Variants in GNS observed in about 807,000 individuals in gnomAD.
GNS encodes the protein N-acetylglucosamine-6-sulfatase.
Under a neutral mutation model 69.7 loss-of-function variants are expected in GNS, and 40 were observed. The observed-to-expected ratio is 0.57, with a 90% confidence interval of 0.45 to 0.75. GNS has a LOEUF of 0.75. Among genes scored for constraint, GNS ranks in the 30% least tolerant of loss-of-function variants. The pLI, the probability that GNS is intolerant of heterozygous loss-of-function variation, is 0.00. For synonymous variants in GNS, 243 were observed against 251.6 expected, an observed-to-expected ratio of 0.97 and a Z score of 0.32; for missense variants, 565 against 685.5, an observed-to-expected ratio of 0.82 and a Z score of 1.96.
At position 64,744,855 on chromosome 12, in the gene GNS, C is replaced by T. The variant is rs368261202; in HGVS notation, c.578G>A (p.Arg193Gln). The T allele has an allele frequency of 1.3e-5, 21 of 1,570,692 alleles. No individual in the cohort carries two copies. The highest frequency in any genetic ancestry group is 2.7e-5 in the African/African-American group (2 of 74,054). Reference protein sequence around the residue: ...NYTLSINGKARKHGENYSVDY... With the variant: ...NYTLSINGKAQKHGENYSVDY... ...CACACTATAGTTTTCACCATGCTTC[C>T]GTGCCTTCCCATTGATAGACAGGGT... Residue 193 changes from arginine (R) to glutamine (Q), a missense_variant, in exon 5 of 14, where the codon CGG (arginine) becomes CAG (glutamine). Arg to Gln is a conservative substitution (Grantham distance 43). This residue lies in a region of GNS where 384 missense variants were observed against 511.0 expected (regional missense o/e 0.75). Coordinates refer to ENST00000258145, the MANE Select transcript of GNS (RefSeq NM_002076.4).
chr12:64,721,855 A>G, intron 11 of GNS, 150 bp from the exon 12 acceptor site: 2 of 698,348 alleles, frequency 2.9e-6, no homozygotes, highest in Non-Finnish European at 5.2e-6. Context: ...GTAACTCAAA[A>G]ACAGATGTGA....
intron 6 of GNS, among the ~76,000 whole-genome samples, chr12:64,742,930 C>G (rs1036234819): frequency 6.6e-6 from 1 of 152,194 alleles, no homozygotes; most frequent in Non-Finnish European, 1.5e-5. Context: ...CATTCCCTGT[C>G]AACTCTCCAG....
chr12:64,756,802 GTT>G, intron 1 of GNS: 1 of 1,084,916 alleles, frequency 9.2e-7, no homozygotes, highest in South Asian at 1.3e-5. Flanking sequence ...GGAACATTAA[GTT>G]TGACTTATGC....
chr12:64,728,636 C>T (rs1215735210), intron 10 of GNS, among the ~76,000 whole-genome samples: 1 of 151,962 alleles, frequency 6.6e-6, no homozygotes, highest in Admixed American at 6.6e-5. Context: ...CTTTTTTTGC[C>T]CATTTTCCCA....
chr12:64,733,790 G>C (rs574794895), intron 9 of GNS, among the ~76,000 whole-genome samples: 2 of 152,338 alleles, frequency 1.3e-5, no homozygotes, highest in African/African-American at 2.4e-5. Flanking sequence ...GGACGGTGCT[G>C]TGTCATTCTA....
At chr12:64,726,100 T>C (rs552501181) in intron 10 of GNS, among the ~76,000 whole-genome samples, 4 of 150,978 alleles carry the variant, frequency 2.6e-5, no homozygotes, top group African/African-American at 9.7e-5. Flanking sequence ...AACTGATCTA[T>C]AGGTTAAATG....
chr12:64,744,005 T>C (rs1465002055), intron 5 of GNS, among the ~76,000 whole-genome samples: 1 of 152,210 alleles, frequency 6.6e-6, no homozygotes, highest in Non-Finnish European at 1.5e-5. Context: ...GTCAGCTTCC[T>C]TGTGGTTTCT....
rs61743823 is a variant in GNS, at chr12:64,759,256, G to C, written c.21C>G (p.Ala7=). Reference sequence around the variant, plus strand: ...GGCTGCCCCGCCGGAGCCGACCTGGGGCTAGAGGCAGGAGCCGCATAGCGG... The same window carrying C: ...GGCTGCCCCGCCGGAGCCGACCTGGCGCTAGAGGCAGGAGCCGCATAGCGG... MRLLPL[A]PGRLRRGSPR... Residue 7 remains alanine, a synonymous_variant, in exon 1 of 14, where the codon GCC becomes GCG. Coordinates refer to ENST00000258145, the MANE Select transcript of GNS (RefSeq NM_002076.4). 1.6e-3 allele frequency: 2,422 copies of C among 1,536,860 alleles called. 38 individuals carry two copies. In the African/African-American group the frequency reaches 0.03, roughly 19 times the overall value.
chr12:64,742,393 G>T (rs542301030), intron 6 of GNS, among the ~76,000 whole-genome samples: 1 of 152,330 alleles, frequency 6.6e-6, no homozygotes, highest in South Asian at 2.1e-4. Context: ...TAATGTGCCA[G>T]ACAATATGCT....
chr12:64,721,200 C>T (rs963956656), intron 12 of GNS, among the ~76,000 whole-genome samples: 1 of 152,200 alleles, frequency 6.6e-6, no homozygotes, highest in Admixed American at 6.5e-5. Context: ...CTCTGACCCC[C>T]ACTCTAATCT....
chr12:64,731,476 A>G (rs1869388053), intron 9 of GNS, among the ~76,000 whole-genome samples: 1 of 152,210 alleles, frequency 6.6e-6, no homozygotes, highest in African/African-American at 2.4e-5. Flanking sequence ...CGTAAGCACA[A>G]GTCATTCCAG....
chr12:64,722,327 C>T (rs1245175), intron 11 of GNS, among the ~76,000 whole-genome samples: 95,797 of 152,010 alleles, frequency 0.63, 30,607 homozygotes, highest in East Asian at 0.88. Context: ...CCAAATGACT[C>T]ATTTCTAAGA....
intron 6 of GNS, 24 bp from the exon 7 acceptor site, chr12:64,740,712 G>A (rs1223497267): frequency 8.6e-7 from 1 of 1,157,830 alleles, no homozygotes; most frequent in Admixed American, 1.7e-5. Flanking sequence ...GAAAAAAAAT[G>A]TTAACACCAA....
rs1868794487 is a variant in GNS, at chr12:64,714,256, C to T, written c.*2485G>A. 1 of 152,210 alleles carries T rather than the reference C, an allele frequency of 6.6e-6. No homozygotes were observed. Among genetic ancestry groups the T allele is most frequent in the Admixed American group, 6.5e-5 (1 of 15,282 alleles). The allele number at this position is 152,210 out of a possible 1,614,324, so 9.4% of individuals were successfully genotyped here. A position where few individuals can be genotyped will look rare whatever the true frequency, so the allele number is the denominator to read the frequency against. ...TATAAGGCAAACTCTCTATTCATTC[C>T]TAAGGCCTCTGTTCATTCCTAATGT... On this transcript the variant is annotated 3_prime_UTR_variant, in exon 14 of 14. Transcript: ENST00000258145.
intron 1 of GNS, among the ~76,000 whole-genome samples, chr12:64,753,841 A>T (rs1226954667): frequency 1.3e-5 from 2 of 152,200 alleles, no homozygotes; most frequent in East Asian, 3.8e-4. Flanking sequence ...CTAGAGAAGC[A>T]GAAGATCTTC....
At chr12:64,723,966 A>G (rs1317902035) in intron 10 of GNS, among the ~76,000 whole-genome samples, 1 of 152,224 alleles carries the variant, frequency 6.6e-6, no homozygotes, top group Non-Finnish European at 1.5e-5. Flanking sequence ...CAATCAAGGC[A>G]GTGATTTAGA....
At chr12:64,719,632 A>G (rs889481900) in intron 13 of GNS, among the ~76,000 whole-genome samples, 2 of 152,210 alleles carry the variant, frequency 1.3e-5, no homozygotes, top group Non-Finnish European at 2.9e-5. Flanking sequence ...GGGGTTTCTG[A>G]GAAATGAAAT....
intron 1 of GNS, chr12:64,756,559 C>T (rs1870254880): frequency 5.1e-6 from 3 of 588,458 alleles, no homozygotes; most frequent in East Asian, 5.8e-5. Context: ...TGAACTTAGT[C>T]ATGTCACTTA....
In GNS at chr12:64,728,976, T is replaced by C. The variant is rs372161146; in HGVS notation, c.1180A>G (p.Met394Val). ...YDLNKTQMDG[M>V]SLLPILRGAS... Reference sequence around the variant, plus strand: ...CTTACCAAAATGGGCAATAAGGACATCCCATCCATCTGTGTCTTATTTAGG... The same window carrying C: ...CTTACCAAAATGGGCAATAAGGACACCCCATCCATCTGTGTCTTATTTAGG... The change falls in exon 10 of 14, where the codon ATG (methionine) becomes GTG (valine). Residue 394 changes from methionine to valine, a missense_variant. Transcript: ENST00000258145. The C allele has an allele frequency of 5.7e-6, 9 of 1,567,546 alleles. No individual in the cohort carries two copies. Among genetic ancestry groups the C allele is most frequent in the Non-Finnish European group, 7.9e-6 (9 of 1,137,614 alleles).
Sources: allele counts gnomAD v4.1 joint callset (sites outside exome capture counted in the v4.1 genomes callset), GRCh38; gene constraint gnomAD v4.1.1; regional missense constraint gnomAD v4.1.1; transcripts MANE v1.5; gene names NCBI Gene and HGNC (gene_info 2026-07-23, HGNC 2026-07-21).